JPH3: variants seen among roughly 807,000 people sequenced by gnomAD.
The protein encoded by JPH3 is junctophilin 3.
In JPH3, 11 loss-of-function variants were observed where a neutral mutation model predicts 59.6. That is an observed-to-expected ratio of 0.18 (90% confidence interval 0.12 to 0.31). The LOEUF is 0.31. Among genes scored for constraint, JPH3 ranks in the 10% least tolerant of loss-of-function variants. The probability of loss-of-function intolerance (pLI) is 1.00; values close to 1 mark genes in which losing one functional copy is unlikely to be tolerated. For synonymous variants in JPH3, 673 were observed against 483.6 expected (o/e 1.39, Z -5.14); for missense variants, 1,202 against 1,105.7 (o/e 1.09, Z -1.24).
At chr16:87,693,674 C>G (rs1409084201) in intron 4 of JPH3, 1 of 152,372 alleles carries the variant, frequency 6.6e-6, no homozygotes, top group Admixed American at 6.5e-5. Context: ...GAGACTCCAT[C>G]TCAAAAGTTT....
At position 87,615,943 on chromosome 16, in the gene JPH3, G is replaced by A. The variant is rs571965231; in HGVS notation, c.382+12415G>A. Among the ~76,000 whole-genome samples the A allele has an allele frequency of 3.9e-5, 6 of 152,300 alleles. No individual in the cohort carries two copies. In the South Asian group the frequency reaches 1.2e-3, roughly 32 times the overall value. On this transcript the variant is annotated intron_variant, in intron 1 of 4. Coordinates refer to ENST00000284262, the MANE Select transcript of JPH3 (RefSeq NM_020655.4). ...GTGGTCAATCAGGCGAGCTCTGAGCGACAGGAGGGGCCGGTGGTGTGGAGA... is the reference window on the plus strand; with the variant it reads ...GTGGTCAATCAGGCGAGCTCTGAGCAACAGGAGGGGCCGGTGGTGTGGAGA...
At chr16:87,612,267 G>A (rs1355823649) in intron 1 of JPH3, among the ~76,000 whole-genome samples, 2 of 152,166 alleles carry the variant, frequency 1.3e-5, no homozygotes, top group Non-Finnish European at 2.9e-5. Context: ...GGGACTGCAG[G>A]CATGCACCCC....
intron 2 of JPH3, among the ~76,000 whole-genome samples, chr16:87,646,829 T>C (rs953331676): frequency 3.4e-4 from 52 of 152,262 alleles, no homozygotes; most frequent in African/African-American, 1.3e-3. Context: ...GAGGACTTAG[T>C]GGACAGTGCC....
At chr16:87,671,047 C>T (rs969444325) in intron 2 of JPH3, among the ~76,000 whole-genome samples, 11 of 152,274 alleles carry the variant, frequency 7.2e-5, no homozygotes, top group African/African-American at 2.6e-4. Context: ...TCGCCCGGGA[C>T]CCATGCCCAG....
intron 1 of JPH3, among the ~76,000 whole-genome samples, chr16:87,608,590 T>C (rs550167989): frequency 8.5e-5 from 13 of 152,146 alleles, no homozygotes; most frequent in Non-Finnish European, 1.6e-4. Flanking sequence ...GGCAGTCCCT[T>C]CAGCACCTTG....
At chr16:87,660,239 G>C (rs770678096) in intron 2 of JPH3, among the ~76,000 whole-genome samples, 1 of 152,188 alleles carries the variant, frequency 6.6e-6, no homozygotes, top group African/African-American at 2.4e-5. Flanking sequence ...CTCTGAGAAA[G>C]ACTCTCCCTG....
chr16:87,616,536 C>T (rs2030978051), intron 1 of JPH3, among the ~76,000 whole-genome samples: 1 of 151,844 alleles, frequency 6.6e-6, no homozygotes, highest in Admixed American at 6.6e-5. Flanking sequence ...AGGTGTGAGC[C>T]ACTGTGCCCA....
In JPH3 at chr16:87,644,611, A is replaced by G; in HGVS notation, c.736A>G (p.Ser246Gly). Residue 246 changes from serine to glycine, a missense_variant, in exon 2 of 5, where the codon AGC becomes GGC. Physicochemically the swap from Ser to Gly is moderately conservative, Grantham distance 56 (BLOSUM62 0). Transcript: ENST00000284262. The part of the protein sequence containing the change: ...SQRSKQSSFR[S>G]EAGMSTVSST... ...ACGCAGCAAGCAGAGCTCCTTTCGC[A>G]GCGAGGCGGGCATGAGCACCGTCAG... 1 of 1,612,716 alleles carries G rather than the reference A, an allele frequency of 6.2e-7. No homozygotes were observed. Among genetic ancestry groups the G allele is most frequent in the Non-Finnish European group, 8.5e-7 (1 of 1,179,854 alleles).
rs866029932 is a variant in JPH3, at chr16:87,663,127, G to T, written c.1160+18092G>T. ...GGTTAATTTCTTTCTTTTTTTTTTTGAGATGGAGTCGCGCCCTGTCACCCA... is the reference window on the plus strand; with the variant it reads ...GGTTAATTTCTTTCTTTTTTTTTTTTAGATGGAGTCGCGCCCTGTCACCCA... On this transcript the variant is annotated intron_variant, in intron 2 of 4. Transcript: ENST00000284262. Among the ~76,000 whole-genome samples, 356 of 87,324 alleles carry T rather than the reference G, an allele frequency of 4.1e-3. 1 individual carries two copies. Among genetic ancestry groups the T allele is most frequent in the African/African-American group, 0.018 (331 of 17,922 alleles). The allele number at this position is 87,324 out of a possible 152,430, so 57.3% of individuals were successfully genotyped here. A position where few individuals can be genotyped will look rare whatever the true frequency, so the allele number is the denominator to read the frequency against.
intron 3 of JPH3, among the ~76,000 whole-genome samples, chr16:87,685,678 C>T (rs757592804): frequency 5.9e-5 from 9 of 152,244 alleles, no homozygotes; most frequent in East Asian, 3.8e-4. Context: ...GCAGAATGCA[C>T]GTAGGACGGC....
At chr16:87,695,646 C>T (rs762561251) in intron 4 of JPH3, 2 of 456,082 alleles carry the variant, frequency 4.4e-6, no homozygotes, top group South Asian at 3.1e-5. Flanking sequence ...GCGTCCATTC[C>T]CTGTGCAGCA....
At chr16:87,640,366 G>T (rs2031906717) in intron 1 of JPH3, among the ~76,000 whole-genome samples, 1 of 151,668 alleles carries the variant, frequency 6.6e-6, no homozygotes, top group African/African-American at 2.4e-5. Flanking sequence ...TGCATGCCAG[G>T]TAATCGACAA....
chr16:87,616,358 C>T (rs1161999699), intron 1 of JPH3, among the ~76,000 whole-genome samples: 14 of 151,190 alleles, frequency 9.3e-5, no homozygotes, highest in African/African-American at 3.4e-4. Flanking sequence ...CTCAGCCTCC[C>T]GAGTAGCTGG....
chr16:87,686,638 C>G (rs1433846142), intron 3 of JPH3, among the ~76,000 whole-genome samples: 6 of 149,580 alleles, frequency 4.0e-5, no homozygotes, highest in Admixed American at 4.0e-4. Context: ...GGGCTCAGTC[C>G]TGGATTCAGA....
chr16:87,681,066 G>T (rs914994532), intron 2 of JPH3, among the ~76,000 whole-genome samples: 3 of 152,236 alleles, frequency 2.0e-5, no homozygotes, highest in African/African-American at 7.2e-5. Context: ...GAGAGACATT[G>T]ACGAAATATT....
chr16:87,654,523 T>A (rs1010506205), intron 2 of JPH3: 2 of 152,206 alleles, frequency 1.3e-5, no homozygotes, highest in Non-Finnish European at 2.9e-5. Flanking sequence ...GTGCAGACCT[T>A]CACCTCTCAG....
intron 2 of JPH3, among the ~76,000 whole-genome samples, chr16:87,670,659 C>T (rs776144692): frequency 7.2e-5 from 11 of 152,254 alleles, no homozygotes; most frequent in African/African-American, 9.6e-5. Flanking sequence ...CGCAGGGTAC[C>T]GCACAGCCCC....
At chr16:87,651,317 A>G (rs1458744690) in intron 2 of JPH3, among the ~76,000 whole-genome samples, 2 of 152,276 alleles carry the variant, frequency 1.3e-5, no homozygotes, top group Admixed American at 1.3e-4. Context: ...GCCTGCTAAC[A>G]TAACATCCAG....
intron 1 of JPH3, among the ~76,000 whole-genome samples, chr16:87,637,356 CGTCT>C (rs1224540588): frequency 4.6e-5 from 7 of 151,922 alleles, no homozygotes; most frequent in African/African-American, 9.7e-5. Context: ...GGCCATCATC[CGTCT>C]GTCTCTGGAT....
Sources: gnomAD v4.1 joint callset for allele counts (sites outside exome capture counted in the v4.1 genomes callset) on GRCh38, gnomAD v4.1.1 for gene constraint, MANE v1.5 for transcripts, NCBI Gene and HGNC (gene_info 2026-07-23, HGNC 2026-07-21) for gene names.